Variants in ADK observed in about 807,000 individuals in gnomAD.
The protein encoded by ADK is N6,N6-dimethyladenosine kinase.
ADK carries 24 observed loss-of-function variants against 44.7 expected under a neutral mutation model. That is an observed-to-expected ratio of 0.54 (90% CI 0.39 to 0.76). The LOEUF is 0.76. Among genes scored for constraint, ADK ranks in the 30% least tolerant of loss-of-function variants. The pLI is 0.00. For synonymous variants in ADK, 128 were observed against 142.6 expected (o/e 0.90, Z 0.73); for missense variants, 321 against 425.1 (o/e 0.76, Z 2.15).
At chr10:74,482,112 C>T (rs1847095636) in intron 6 of ADK, among the ~76,000 whole-genome samples, 1 of 152,152 alleles carries the variant, frequency 6.6e-6, no homozygotes, top group Non-Finnish European at 1.5e-5. Context: ...TCCTTTCTTG[C>T]ACTACTATGA....
At chr10:74,309,749 A>AGGT (rs1273053560) in intron 3 of ADK, among the ~76,000 whole-genome samples, 2 of 152,168 alleles carry the variant, frequency 1.3e-5, no homozygotes, top group African/African-American at 4.8e-5. Flanking sequence ...TGTTTTAGAC[A>AGGT]GGTGGGAGGA....
intron 10 of ADK, among the ~76,000 whole-genome samples, chr10:74,671,734 T>C (rs1287045515): frequency 6.6e-6 from 1 of 152,210 alleles, no homozygotes; most frequent in Non-Finnish European, 1.5e-5. Flanking sequence ...CTAGAAACTT[T>C]TAAACTTATA....
chr10:74,367,937 TAATA>T (rs1422828611), intron 4 of ADK, among the ~76,000 whole-genome samples: 2 of 152,334 alleles, frequency 1.3e-5, no homozygotes, highest in South Asian at 2.1e-4. Context: ...AGTTTATTGT[TAATA>T]AATCAAATAT....
intron 6 of ADK, among the ~76,000 whole-genome samples, chr10:74,476,973 GT>G (rs1237293250): frequency 1.3e-5 from 2 of 152,078 alleles, no homozygotes; most frequent in African/African-American, 4.8e-5. Context: ...TCAAGTTTGT[GT>G]TTAGTATGTA....
At chr10:74,159,647 C>T (rs926613664) in intron 1 of ADK, among the ~76,000 whole-genome samples, 13 of 151,738 alleles carry the variant, frequency 8.6e-5, no homozygotes, top group Non-Finnish European at 1.5e-5. Context: ...GGCTGGAGTG[C>T]GGTGGCACGA....
At chr10:74,228,770 A>G (rs553630233) in intron 3 of ADK, among the ~76,000 whole-genome samples, 1 of 152,334 alleles carries the variant, frequency 6.6e-6, no homozygotes, top group East Asian at 1.9e-4. Flanking sequence ...ATCTGATCAT[A>G]TAGATTTAGG....
chr10:74,317,813 C>T (rs540664591), intron 4 of ADK, among the ~76,000 whole-genome samples: 2 of 152,258 alleles, frequency 1.3e-5, no homozygotes, highest in East Asian at 3.9e-4. Flanking sequence ...GACGGAGTCT[C>T]ACTCTGTTGC....
chr10:74,428,878 C>T (rs919783960), intron 6 of ADK, among the ~76,000 whole-genome samples: 5 of 152,178 alleles, frequency 3.3e-5, no homozygotes, highest in African/African-American at 1.2e-4. Context: ...TTGTTTGCCT[C>T]CTTATGTGTT....
At chr10:74,552,279 C>T (rs920619512) in intron 7 of ADK, among the ~76,000 whole-genome samples, 1 of 151,878 alleles carries the variant, frequency 6.6e-6, no homozygotes, top group African/African-American at 2.4e-5. Context: ...GGTGGATAAA[C>T]CTAACCAAAA....
At chr10:74,688,968 G>A (rs116154706) in intron 10 of ADK, among the ~76,000 whole-genome samples, 251 of 151,512 alleles carry the variant, frequency 1.7e-3, no homozygotes, top group African/African-American at 5.9e-3. Context: ...AAGGATGCTG[G>A]GCTGGGGGGC....
Position 74,566,408 on chromosome 10 carries a change from T to G in ADK, c.727-22874T>G, listed in dbSNP as rs1160301770. On this transcript the variant is annotated intron_variant, in intron 7 of 10. Transcript: ENST00000539909. ...GTCTTGTAGAGACAGGGTCTCACTA[T>G]GTGAGAGGCTGGTCTTGCACTCATG... Among the ~76,000 whole-genome samples the G allele has an allele frequency of 2.6e-5, 4 of 152,014 alleles. 1 individual carries two copies. The South Asian group carries it at 8.3e-4, about 32-fold the overall frequency.
At chr10:74,501,052 C>G (rs1001815823) in intron 6 of ADK, among the ~76,000 whole-genome samples, 3 of 152,166 alleles carry the variant, frequency 2.0e-5, no homozygotes, top group Non-Finnish European at 2.9e-5. Flanking sequence ...TAGCTTTCAG[C>G]TTAGTCATTT....
intron 10 of ADK, among the ~76,000 whole-genome samples, chr10:74,696,410 G>C (rs1856208513): frequency 6.6e-6 from 1 of 151,130 alleles, no homozygotes; most frequent in Non-Finnish European, 1.5e-5. Flanking sequence ...CTGTCACCCA[G>C]GCTGGAGTTC....
At chr10:74,239,169 AT>A (rs200272161) in intron 3 of ADK, among the ~76,000 whole-genome samples, 6 of 147,684 alleles carry the variant, frequency 4.1e-5, no homozygotes, top group African/African-American at 1.0e-4. Context: ...GCAGTTACTT[AT>A]TTTTTTTTTC....
chr10:74,296,736 G>A (rs752700303), intron 3 of ADK, among the ~76,000 whole-genome samples: 8 of 151,428 alleles, frequency 5.3e-5, no homozygotes, highest in Admixed American at 6.6e-5. Context: ...CTCAGCCTCC[G>A]GAGTAGCTGG....
intron 3 of ADK, among the ~76,000 whole-genome samples, chr10:74,259,189 C>T (rs1221533634): frequency 6.6e-6 from 1 of 151,798 alleles, no homozygotes; most frequent in Non-Finnish European, 1.5e-5. Context: ...AAGTGATCTG[C>T]CTGCCTCAGC....
intron 4 of ADK, among the ~76,000 whole-genome samples, chr10:74,353,871 GA>G (rs796424918): frequency 1.1e-4 from 16 of 150,876 alleles, no homozygotes; most frequent in African/African-American, 1.9e-4. Flanking sequence ...CTGTTTCAAA[GA>G]AAAAAAAACT....
intron 9 of ADK, among the ~76,000 whole-genome samples, chr10:74,618,766 T>C (rs1190344146): frequency 2.6e-5 from 4 of 152,132 alleles, no homozygotes; most frequent in South Asian, 4.1e-4. Context: ...TTATATATAA[T>C]ATTTTTATTT....
intron 7 of ADK, among the ~76,000 whole-genome samples, chr10:74,559,186 G>A (rs1382065006): frequency 2.0e-5 from 3 of 152,208 alleles, no homozygotes; most frequent in Admixed American, 6.5e-5. Flanking sequence ...GCTCCCTGAC[G>A]CTGTTCATCC....
Sources: gnomAD v4.1 joint callset for allele counts (sites outside exome capture counted in the v4.1 genomes callset) on GRCh38, gnomAD v4.1.1 for gene constraint, MANE v1.5 for transcripts, NCBI Gene and HGNC (gene_info 2026-07-23, HGNC 2026-07-21) for gene names.